The following TRPM3 variants were observed in gnomAD, a reference collection of about 807,000 sequenced individuals.
The protein encoded by TRPM3 is transient receptor potential cation channel subfamily M member 3.
TRPM3 carries 77 observed loss-of-function variants against 181.2 expected under a neutral mutation model. The observed-to-expected ratio is 0.42, with a 90% CI of 0.35 to 0.51. The LOEUF (loss-of-function observed/expected upper bound fraction) is 0.51. TRPM3 is among the 20% of genes least tolerant of loss of function. The pLI, the probability that TRPM3 is intolerant of heterozygous loss-of-function variation, is 0.01. For missense variants in TRPM3, 1,759 were observed against 2,196.7 expected (o/e 0.80, Z 3.98); for synonymous variants, 745 against 796.4 (o/e 0.94, Z 1.09).
chr9:70,815,044 C>G (rs987798422), intron 6 of TRPM3, among the ~76,000 whole-genome samples: 1 of 152,006 alleles, frequency 6.6e-6, no homozygotes, highest in Non-Finnish European at 1.5e-5. Flanking sequence ...AGTCTCACTC[C>G]CTGGAAACTG....
Position 71,186,435 on chromosome 9 carries a change from AT to A in TRPM3, c.183+260217del, listed in dbSNP as rs1183807759. On this transcript the variant is annotated intron_variant, in intron 1 of 24. Coordinates refer to the TRPM3 transcript ENST00000357533. ...CACCCACTTCTCTATTTCTTCTTAA[AT>A]TCATGCTCTCTCTGCTCTGGTCTTA... is the stretch of plus-strand genomic sequence containing the variant. Among the ~76,000 whole-genome samples the A allele has an allele frequency of 3.3e-5, 5 of 152,158 alleles. No homozygotes were observed. The East Asian group carries it at 5.8e-4, about 18-fold the overall frequency.
chr9:71,302,647 G>C (rs1042740612), intron 1 of TRPM3, among the ~76,000 whole-genome samples: 5 of 152,122 alleles, frequency 3.3e-5, no homozygotes, highest in African/African-American at 1.2e-4. Context: ...AACAATACTT[G>C]TAAGAGCCAG....
chr9:70,675,537 A>G (rs1024388004), intron 9 of TRPM3, among the ~76,000 whole-genome samples: 3 of 152,218 alleles, frequency 2.0e-5, no homozygotes, highest in African/African-American at 7.2e-5. Context: ...AGAAACACAT[A>G]AAATAAAATG....
intron 1 of TRPM3, among the ~76,000 whole-genome samples, chr9:71,319,567 A>G (rs1199102935): frequency 6.6e-6 from 1 of 152,044 alleles, no homozygotes; most frequent in Non-Finnish European, 1.5e-5. Flanking sequence ...TATTCAATAT[A>G]CTGATTCAAC....
intron 1 of TRPM3, among the ~76,000 whole-genome samples, chr9:70,958,322 A>G (rs2097100550): frequency 7.2e-6 from 1 of 138,682 alleles, no homozygotes; most frequent in African/African-American, 2.7e-5. Context: ...TTATAATAAT[A>G]ATACTATGCT....
intron 9 of TRPM3, among the ~76,000 whole-genome samples, chr9:70,680,804 C>A (rs7874138): frequency 6.6e-6 from 1 of 152,022 alleles, no homozygotes; most frequent in Non-Finnish European, 1.5e-5. Flanking sequence ...GTGTAATGTA[C>A]TTAGTAAAGC....
chr9:71,399,934 G>A (rs2093303505), intron 1 of TRPM3, among the ~76,000 whole-genome samples: 1 of 152,088 alleles, frequency 6.6e-6, no homozygotes, highest in African/African-American at 2.4e-5. Context: ...TGGCCTGGGT[G>A]TCAAAAGATC....
chr9:70,946,507 T>C (rs1197504547), intron 1 of TRPM3, among the ~76,000 whole-genome samples: 1 of 152,040 alleles, frequency 6.6e-6, no homozygotes, highest in Non-Finnish European at 1.5e-5. Context: ...TGCATTAATA[T>C]TTATAAGGTA....
chr9:71,112,207 G>A (rs1784283449), intron 1 of TRPM3, among the ~76,000 whole-genome samples: 2 of 152,112 alleles, frequency 1.3e-5, no homozygotes, highest in Non-Finnish European at 2.9e-5. Flanking sequence ...ATTTTACAAT[G>A]TAACCCAGTC....
chr9:70,957,681 C>T (rs2097093060), intron 1 of TRPM3, among the ~76,000 whole-genome samples: 1 of 152,164 alleles, frequency 6.6e-6, no homozygotes, highest in Non-Finnish European at 1.5e-5. Flanking sequence ...TGCCCAAAGT[C>T]CTCAAACTCA....
rs2091992624 is a variant in TRPM3, at chr9:70,811,316, T to C, written c.973+16531A>G. ...TACACATTTTATTAAAGCAGATGGA[T>C]TACCCAATTTACATAAATTTATATA... On this transcript the variant is annotated intron_variant, in intron 6 of 25. Transcript: ENST00000677713. The C allele has an allele frequency of 5.5e-6, 7 of 1,264,496 alleles. No homozygotes were observed. In the Admixed American group the frequency reaches 1.1e-4, roughly 19 times the overall value. 78.3% of individuals were successfully genotyped at this position (1,264,496 alleles called of 1,614,324 possible).
chr9:70,925,773 G>T (rs2096715292), intron 1 of TRPM3, among the ~76,000 whole-genome samples: 1 of 151,944 alleles, frequency 6.6e-6, no homozygotes, highest in South Asian at 2.1e-4. Flanking sequence ...GCCAGCGCGG[G>T]AGAGATAAAT....
At chr9:71,438,729 G>A (rs901808296) in intron 1 of TRPM3, among the ~76,000 whole-genome samples, 19 of 152,164 alleles carry the variant, frequency 1.2e-4, no homozygotes, top group Admixed American at 1.1e-3. Flanking sequence ...AGGAAGTGAT[G>A]TAATACCTAA....
At chr9:70,762,352 C>G (rs1159475248) in intron 7 of TRPM3, among the ~76,000 whole-genome samples, 1 of 152,140 alleles carries the variant, frequency 6.6e-6, no homozygotes, top group Non-Finnish European at 1.5e-5. Flanking sequence ...TTAAAAGATA[C>G]TTTTATGCTA....
rs192850622 is a variant in TRPM3 at position 71,025,853 on chromosome 9, G to C, written c.177+95325C>G. 3.9e-5 allele frequency among the ~76,000 whole-genome samples: 6 copies of C among 152,334 alleles called. No homozygotes were observed. The East Asian group carries it at 1.2e-3, about 29-fold the overall frequency. The stretch of plus-strand genomic sequence containing the variant: ...ACCAGGAAGACTGGTGAACTCAGAG[G>C]AAAGGCATTGAGAGCAGATGAAGGG... On this transcript the variant is annotated intron_variant, in intron 1 of 25. Transcript: ENST00000677713.
chr9:71,201,019 TC>T (rs2078753129), intron 1 of TRPM3, among the ~76,000 whole-genome samples: 2 of 152,290 alleles, frequency 1.3e-5, no homozygotes, highest in African/African-American at 4.8e-5. Flanking sequence ...TACTGGTTGT[TC>T]CTTTCCATGT....
chr9:70,645,665 T>C (rs1475272531), intron 9 of TRPM3, among the ~76,000 whole-genome samples: 9 of 151,310 alleles, frequency 5.9e-5, no homozygotes, highest in Admixed American at 5.9e-4. Flanking sequence ...ACTTCCTGAC[T>C]AAAACACCAA....
At chr9:70,759,372 T>G (rs1396171205) in intron 8 of TRPM3, among the ~76,000 whole-genome samples, 3 of 152,234 alleles carry the variant, frequency 2.0e-5, no homozygotes, top group Non-Finnish European at 2.9e-5. Context: ...GAAACACTTT[T>G]ACACTGTTGG....
intron 6 of TRPM3, among the ~76,000 whole-genome samples, chr9:70,822,897 T>C (rs2093296934): frequency 6.6e-6 from 1 of 152,052 alleles, no homozygotes; most frequent in Non-Finnish European, 1.5e-5. Context: ...TATGCCCATG[T>C]GTCACTACCC....
Sources: allele counts gnomAD v4.1 joint callset (sites outside exome capture counted in the v4.1 genomes callset), GRCh38; gene constraint gnomAD v4.1.1; transcripts MANE v1.5; gene names NCBI Gene and HGNC (gene_info 2026-07-23, HGNC 2026-07-21).